The following CLSTN2 variants were observed in gnomAD, a reference collection of about 807,000 sequenced individuals.
CLSTN2 encodes the protein calsyntenin 2.
CLSTN2 carries 48 observed loss-of-function variants against 101.2 expected under a neutral mutation model. That is an observed-to-expected ratio of 0.47 (90% confidence interval 0.38 to 0.60). CLSTN2 has a LOEUF of 0.60. Ranked by LOEUF, CLSTN2 falls within the 20% of genes least tolerant of loss-of-function variation. The pLI is 0.00. For synonymous variants in CLSTN2, 481 were observed against 463.6 expected, an observed-to-expected ratio of 1.04 and a Z score of -0.48; for missense variants, 1,160 against 1,238.2, an observed-to-expected ratio of 0.94 and a Z score of 0.95.
At chr3:140,197,696 G>A (rs2010664051) in intron 2 of CLSTN2, among the ~76,000 whole-genome samples, 1 of 152,144 alleles carries the variant, frequency 6.6e-6, no homozygotes, top group African/African-American at 2.4e-5. Flanking sequence ...CATCTAGTGA[G>A]TAGAGGCCAA....
chr3:140,556,206 G>T (rs904311959), intron 10 of CLSTN2, among the ~76,000 whole-genome samples: 8 of 152,150 alleles, frequency 5.3e-5, no homozygotes, highest in African/African-American at 1.9e-4. Flanking sequence ...ACCACTGTTC[G>T]CCAAGGGCTG....
chr3:140,448,854 G>A (rs1933164264), intron 6 of CLSTN2, 150 bp downstream of exon 6: 5 of 699,720 alleles, frequency 7.1e-6, no homozygotes, highest in Non-Finnish European at 9.0e-6. Context: ...TTTACTTATG[G>A]CAGAAGGGTT....
chr3:140,315,645 TA>T (rs940563693), intron 2 of CLSTN2, among the ~76,000 whole-genome samples: 1 of 152,202 alleles, frequency 6.6e-6, no homozygotes, highest in African/African-American at 2.4e-5. Context: ...AAAGGAAGAT[TA>T]AAAGGTTCAG....
intron 2 of CLSTN2, among the ~76,000 whole-genome samples, chr3:140,309,819 C>A (rs570392922): frequency 1.3e-5 from 2 of 152,202 alleles, no homozygotes; most frequent in South Asian, 4.2e-4. Context: ...TAGCACTTGG[C>A]CCTGAACTTC....
rs545589711 is a variant in CLSTN2, at chr3:140,470,409, G to A, written c.1344+3678G>A. On this transcript the variant is annotated intron_variant, in intron 8 of 16. Coordinates refer to ENST00000458420, the MANE Select transcript of CLSTN2 (RefSeq NM_022131.3). Reference sequence around the variant, plus strand: ...AAAGCCTGGGAAGGCCTCTGGGAGGGAACATCTGCAAGGAATGTGGAGTTC... The same window carrying A: ...AAAGCCTGGGAAGGCCTCTGGGAGGAAACATCTGCAAGGAATGTGGAGTTC... Among the ~76,000 whole-genome samples the A allele has an allele frequency of 2.0e-5, 3 of 152,374 alleles. No individual in the cohort carries two copies. In the South Asian group the frequency reaches 6.2e-4, roughly 32 times the overall value.
chr3:140,483,391 G>T (rs534273008), intron 8 of CLSTN2, among the ~76,000 whole-genome samples: 24 of 152,252 alleles, frequency 1.6e-4, no homozygotes, highest in Admixed American at 1.5e-3. Context: ...AATAGGTGTG[G>T]TGTGGTGCTG....
At chr3:140,404,867 C>G in intron 4 of CLSTN2, 101 bp downstream of exon 4, 1 of 977,656 alleles carries the variant, frequency 1.0e-6, no homozygotes, top group Non-Finnish European at 1.6e-6. Flanking sequence ...GCAAGTTATG[C>G]CTTTCTTGCC....
At chr3:140,374,183 A>C (rs2087889971) in intron 2 of CLSTN2, among the ~76,000 whole-genome samples, 1 of 152,208 alleles carries the variant, frequency 6.6e-6, no homozygotes, top group South Asian at 2.1e-4. Context: ...ACAGACCTTT[A>C]TGATCTGGTC....
At chr3:140,043,921 A>G (rs1263888971) in intron 1 of CLSTN2, among the ~76,000 whole-genome samples, 2 of 152,202 alleles carry the variant, frequency 1.3e-5, no homozygotes, top group Non-Finnish European at 2.9e-5. Flanking sequence ...TGTTTTGGTT[A>G]CTATAGCCTT....
chr3:140,535,610 T>G (rs899598784), intron 9 of CLSTN2, among the ~76,000 whole-genome samples: 1 of 152,254 alleles, frequency 6.6e-6, no homozygotes, highest in Non-Finnish European at 1.5e-5. Flanking sequence ...CTTTGGCAAA[T>G]TAACTGTGAG....
chr3:140,427,246 CAT>C (rs1158270538), intron 5 of CLSTN2, among the ~76,000 whole-genome samples: 2 of 109,264 alleles, frequency 1.8e-5, no homozygotes, highest in Non-Finnish European at 3.5e-5. Flanking sequence ...TATATATATA[CAT>C]ATATATATAC....
At chr3:140,218,345 G>A (rs951496781) in intron 2 of CLSTN2, among the ~76,000 whole-genome samples, 2 of 152,102 alleles carry the variant, frequency 1.3e-5, no homozygotes, top group African/African-American at 2.4e-5. Context: ...AAAGCTGTTT[G>A]GGATCTTGGG....
chr3:140,293,087 C>T (rs921080924), intron 2 of CLSTN2, among the ~76,000 whole-genome samples: 17 of 152,222 alleles, frequency 1.1e-4, no homozygotes, highest in Admixed American at 8.5e-4. Context: ...CTTGATTTGT[C>T]TTCCCTCTTT....
At chr3:140,369,700 C>T (rs966950514) in intron 2 of CLSTN2, among the ~76,000 whole-genome samples, 2 of 152,190 alleles carry the variant, frequency 1.3e-5, no homozygotes, top group African/African-American at 4.8e-5. Context: ...ACAGCACACC[C>T]CTCCTCCACC....
chr3:140,106,472 C>T (rs759745954), intron 1 of CLSTN2, among the ~76,000 whole-genome samples: 1 of 152,188 alleles, frequency 6.6e-6, no homozygotes, highest in South Asian at 2.1e-4. Flanking sequence ...CAGGATGGAG[C>T]AGGAGGTGGG....
chr3:140,154,775 G>A lies in CLSTN2; in HGVS notation c.110-21176G>A, dbSNP rs563633094. 2.0e-5 allele frequency among the ~76,000 whole-genome samples: 3 copies of A among 149,868 alleles called. No homozygotes were observed. In the East Asian group the frequency reaches 6.1e-4, roughly 30 times the overall value. ...TTCTCCTGCCTCAGCCTCCCAAATA[G>A]CTGGGACTACAGGCACCCGCCACCA... On this transcript the variant is annotated intron_variant, in intron 1 of 16. Coordinates refer to ENST00000458420, the MANE Select transcript of CLSTN2 (RefSeq NM_022131.3).
intron 5 of CLSTN2, among the ~76,000 whole-genome samples, chr3:140,426,192 T>C (rs1054904152): frequency 6.6e-6 from 1 of 152,172 alleles, no homozygotes; most frequent in African/African-American, 2.4e-5. Flanking sequence ...GGTAAATGTG[T>C]GCCGTGGTGG....
chr3:140,560,261 C>T (rs1437556669), intron 12 of CLSTN2, among the ~76,000 whole-genome samples: 6 of 152,198 alleles, frequency 3.9e-5, no homozygotes, highest in Non-Finnish European at 7.3e-5. Context: ...GCCCCCAGGC[C>T]TCAGTGACCG....
At chr3:140,064,830 A>G (rs1345002731) in intron 1 of CLSTN2, among the ~76,000 whole-genome samples, 1 of 152,212 alleles carries the variant, frequency 6.6e-6, no homozygotes, top group Non-Finnish European at 1.5e-5. Flanking sequence ...TTGAGAAAAT[A>G]AGAGATAAAG....
Sources: allele counts gnomAD v4.1 joint callset (sites outside exome capture counted in the v4.1 genomes callset), GRCh38; gene constraint gnomAD v4.1.1; transcripts MANE v1.5; gene names NCBI Gene and HGNC (gene_info 2026-07-23, HGNC 2026-07-21).